RIMS1: variants seen among roughly 807,000 people sequenced by gnomAD.
RIMS1 encodes regulating synaptic membrane exocytosis protein 1.
RIMS1 carries 83 observed loss-of-function variants against 214.1 expected under a neutral mutation model. That is an observed-to-expected ratio of 0.39 (90% CI 0.32 to 0.47). The LOEUF (loss-of-function observed/expected upper bound fraction) is 0.47, where lower values mean the gene tolerates loss of function less well. Among genes scored for constraint, RIMS1 ranks in the 20% least tolerant of loss-of-function variants. The pLI, the probability that RIMS1 is intolerant of heterozygous loss-of-function variation, is 0.99. For missense variants in RIMS1, 2,050 were observed against 2,161.8 expected, an observed-to-expected ratio of 0.95 and a Z score of 1.03; for synonymous variants, 793 against 786.8, an observed-to-expected ratio of 1.01 and a Z score of -0.13.
At chr6:71,929,387 A>T (rs377075020) in intron 1 of RIMS1, among the ~76,000 whole-genome samples, 460 of 152,276 alleles carry the variant, frequency 3.0e-3, no homozygotes, top group African/African-American at 0.011. Flanking sequence ...AAAAACTCTT[A>T]TATGCCACAT....
chr6:72,324,305 G>A, intron 28 of RIMS1, among the ~76,000 whole-genome samples: 1 of 151,946 alleles, frequency 6.6e-6, no homozygotes, highest in Middle Eastern at 3.2e-3. Context: ...GGAGTAAATG[G>A]AAGTAAGTTA....
intron 23 of RIMS1, among the ~76,000 whole-genome samples, chr6:72,277,945 G>T (rs1358889877): frequency 6.6e-6 from 1 of 152,070 alleles, no homozygotes; most frequent in South Asian, 2.1e-4. Context: ...TCTGAGTTTA[G>T]TGCTTACAGT....
chr6:72,007,127 T>G (rs943640194), intron 2 of RIMS1, among the ~76,000 whole-genome samples: 3 of 152,130 alleles, frequency 2.0e-5, no homozygotes, highest in African/African-American at 7.2e-5. Context: ...GAGACAAAAC[T>G]TCCAGAGGAA....
intron 19 of RIMS1, chr6:72,264,092 C>T (rs1411834140): frequency 1.2e-6 from 1 of 800,040 alleles, no homozygotes; most frequent in Non-Finnish European, 1.5e-6. Flanking sequence ...CATGATTAAA[C>T]CAGTGAGGTG....
At chr6:72,244,516 T>A (rs1296734631) in intron 10 of RIMS1, among the ~76,000 whole-genome samples, 4 of 151,862 alleles carry the variant, frequency 2.6e-5, no homozygotes, top group African/African-American at 4.8e-5. Flanking sequence ...TTTTAAGAAG[T>A]CATACTATCT....
chr6:72,238,098 A>G (rs1215692646), intron 9 of RIMS1, among the ~76,000 whole-genome samples, 176 bp downstream of exon 9: 1 of 152,032 alleles, frequency 6.6e-6, no homozygotes, highest in East Asian at 1.9e-4. Context: ...CCTGATATAA[A>G]TATTTACCAA....
At chr6:71,957,551 C>A (rs1791641186) in intron 1 of RIMS1, among the ~76,000 whole-genome samples, 1 of 143,074 alleles carries the variant, frequency 7.0e-6, no homozygotes, top group African/African-American at 3.0e-5. Flanking sequence ...GAGTTTGAAA[C>A]CCTCTGATGT....
chr6:72,210,938 G>C (rs1044871713), intron 6 of RIMS1, among the ~76,000 whole-genome samples: 3 of 152,234 alleles, frequency 2.0e-5, no homozygotes, highest in Admixed American at 1.3e-4. Flanking sequence ...AGAAATAACA[G>C]AATGAAATAT....
At chr6:72,055,268 A>G (rs953067433) in intron 2 of RIMS1, among the ~76,000 whole-genome samples, 7 of 152,186 alleles carry the variant, frequency 4.6e-5, no homozygotes, top group African/African-American at 1.4e-4. Flanking sequence ...CACCTGCTAC[A>G]TTCAGAGCAC....
chr6:72,253,640 A>G (rs933994615), intron 16 of RIMS1, among the ~76,000 whole-genome samples: 4 of 152,298 alleles, frequency 2.6e-5, no homozygotes, highest in Admixed American at 6.5e-5. Flanking sequence ...AAGACAGTAT[A>G]TATATATATG....
intron 1 of RIMS1, among the ~76,000 whole-genome samples, chr6:71,900,526 A>G (rs972696381): frequency 3.9e-5 from 6 of 152,282 alleles, no homozygotes; most frequent in Admixed American, 2.6e-4. Context: ...CTGGGAGGCT[A>G]CTGTAGAAAT....
intron 5 of RIMS1, among the ~76,000 whole-genome samples, chr6:72,180,520 G>A (rs530467647): frequency 1.3e-5 from 2 of 152,292 alleles, no homozygotes; most frequent in East Asian, 3.9e-4. Flanking sequence ...TGAAGGGACA[G>A]GTTACATTTT....
intron 2 of RIMS1, among the ~76,000 whole-genome samples, chr6:72,039,320 A>G (rs1348053090): frequency 6.6e-6 from 1 of 152,186 alleles, no homozygotes; most frequent in African/African-American, 2.4e-5. Context: ...AGCAAAAAAT[A>G]TGAGGCATAT....
intron 16 of RIMS1, among the ~76,000 whole-genome samples, chr6:72,257,196 A>AT (rs1480735867): frequency 2.6e-5 from 2 of 75,598 alleles, no homozygotes; most frequent in African/African-American, 7.6e-5. Context: ...TTGTAAATAT[A>AT]GTTTTTTTTT....
At chr6:72,179,978 C>T (rs1388278331) in intron 5 of RIMS1, 63 bp downstream of exon 5, 12 of 1,149,104 alleles carry the variant, frequency 1.0e-5, no homozygotes, top group Non-Finnish European at 1.3e-5. Context: ...AAGCCGTTTT[C>T]AAGAATTTAA....
intron 29 of RIMS1, among the ~76,000 whole-genome samples, chr6:72,335,661 A>G (rs1020412853): frequency 5.9e-5 from 9 of 152,024 alleles, no homozygotes; most frequent in Non-Finnish European, 1.0e-4. Context: ...GTCTTCCACA[A>G]TGGTTGAACT....
chr6:71,940,990 TAGTC>T (rs1337713924), intron 1 of RIMS1, among the ~76,000 whole-genome samples: 1 of 152,166 alleles, frequency 6.6e-6, no homozygotes, highest in Non-Finnish European at 1.5e-5. Context: ...CAGGGTCTCA[TAGTC>T]AGGAAGAAAC....
At chr6:72,142,774 G>A (rs2042228809) in intron 4 of RIMS1, among the ~76,000 whole-genome samples, 1 of 152,016 alleles carries the variant, frequency 6.6e-6, no homozygotes, top group African/African-American at 2.4e-5. Flanking sequence ...ACAGCAGGAG[G>A]ACACTTACAA....
intron 29 of RIMS1, among the ~76,000 whole-genome samples, chr6:72,377,096 T>C (rs886986426): frequency 9.2e-5 from 14 of 152,232 alleles, no homozygotes; most frequent in South Asian, 6.2e-4. Context: ...ATCTTTTTAA[T>C]GACCAAGGAG....
Sources: gnomAD v4.1 joint callset for allele counts (sites outside exome capture counted in the v4.1 genomes callset) on GRCh38, gnomAD v4.1.1 for gene constraint, MANE v1.5 for transcripts, NCBI Gene and HGNC (gene_info 2026-07-23, HGNC 2026-07-21) for gene names.